The following ATP2B4 variants were observed in gnomAD, a reference collection of about 807,000 sequenced individuals.
ATP2B4 encodes the protein ATPase plasma membrane Ca2+ transporting 4.
Under a neutral mutation model 110.3 loss-of-function variants are expected in ATP2B4, and 39 were observed. The ratio of observed to expected loss-of-function variants is 0.35; its 90% CI spans 0.27 to 0.46. The LOEUF (loss-of-function observed/expected upper bound fraction) is 0.46, where lower values mean the gene tolerates loss of function less well. Ranked by LOEUF, ATP2B4 falls within the 20% of genes least tolerant of loss-of-function variation. The pLI, the probability that ATP2B4 is intolerant of heterozygous loss-of-function variation, is 1.00. For synonymous variants in ATP2B4, 538 were observed against 571.7 expected (o/e 0.94, Z 0.84); for missense variants, 1,135 against 1,530.9 (o/e 0.74, Z 4.32).
Position 203,708,004 on chromosome 1 carries a change from A to G in ATP2B4, c.1457A>G (p.His486Arg), listed in dbSNP as rs1215668369. 1 of 1,614,074 alleles carries G rather than the reference A, an allele frequency of 6.2e-7. No homozygotes were observed. The change falls in exon 10 of 21, where the codon CAT becomes CGT. Residue 486 changes from histidine (H) to arginine (R), a missense_variant. Transcript: ENST00000357681. ...TVVQAYIGGI[H>R]YRQIPSPDVF... ...GTACAAGCTTATATTGGGGGCATCC[A>G]TTACCGTCAAATCCCAAGCCCTGAT...
At chr1:203,696,925 G>T (rs374909264) in intron 2 of ATP2B4, among the ~76,000 whole-genome samples, 4 of 152,186 alleles carry the variant, frequency 2.6e-5, no homozygotes, top group Non-Finnish European at 5.9e-5. Flanking sequence ...GTGGCATGTG[G>T]TGTGTGTACA....
intron 1 of ATP2B4, among the ~76,000 whole-genome samples, chr1:203,638,138 G>A (rs1385330944): frequency 1.3e-5 from 2 of 152,124 alleles, no homozygotes; most frequent in Non-Finnish European, 2.9e-5. Context: ...GGGGAGATGG[G>A]GAGGAAGGGG....
chr1:203,666,118 A>G (rs780326669), intron 1 of ATP2B4, among the ~76,000 whole-genome samples: 4 of 152,246 alleles, frequency 2.6e-5, no homozygotes, highest in African/African-American at 9.6e-5. Context: ...GTGGTGCCAC[A>G]GTTGCTGCTT....
At position 203,672,610 on chromosome 1, in the gene ATP2B4, G is replaced by T. The variant is rs1035534589; in HGVS notation, c.-464-10132G>T. ...AGGTGTTATGGAGGCGGTGAGCCTG[G>T]TGCTTCTTCTGGAACCGTGGGGGAT... is the stretch of plus-strand genomic sequence containing the variant. On this transcript the variant is annotated intron_variant, in intron 1 of 20. Coordinates refer to ENST00000357681, the MANE Select transcript of ATP2B4 (RefSeq NM_001684.5). 3.9e-5 allele frequency among the ~76,000 whole-genome samples: 6 copies of T among 152,104 alleles called. No homozygotes were observed. The South Asian group carries it at 1.2e-3, about 32-fold the overall frequency.
chr1:203,691,486 C>T (rs893472325), intron 2 of ATP2B4, among the ~76,000 whole-genome samples: 1 of 152,072 alleles, frequency 6.6e-6, no homozygotes, highest in African/African-American at 2.4e-5. Flanking sequence ...AGACTTTTTT[C>T]CCTGGGCCAC....
At chr1:203,672,812 G>C (rs1194968074) in intron 1 of ATP2B4, among the ~76,000 whole-genome samples, 1 of 152,184 alleles carries the variant, frequency 6.6e-6, no homozygotes, top group African/African-American at 2.4e-5. Context: ...TGCTCCACTG[G>C]AACCTGAAAG....
intron 2 of ATP2B4, among the ~76,000 whole-genome samples, chr1:203,689,584 TCTA>T (rs1665303344): frequency 6.6e-6 from 1 of 152,244 alleles, no homozygotes; most frequent in Non-Finnish European, 1.5e-5. Context: ...TCTGTACCCT[TCTA>T]CTTCTTTTCT....
chr1:203,640,456 T>C (rs1663591949), intron 1 of ATP2B4, among the ~76,000 whole-genome samples: 1 of 152,132 alleles, frequency 6.6e-6, no homozygotes, highest in Non-Finnish European at 1.5e-5. Context: ...TAACTGGGAC[T>C]ACAAGTGCGT....
chr1:203,733,563 T>C, intron 20 of ATP2B4: 1 of 600,304 alleles, frequency 1.7e-6, no homozygotes, highest in Non-Finnish European at 2.7e-6. Context: ...AAAACCAGAC[T>C]GTGTGCCCTT....
intron 2 of ATP2B4, among the ~76,000 whole-genome samples, chr1:203,685,047 C>T (rs192628872): frequency 1.8e-3 from 276 of 152,202 alleles, no homozygotes; most frequent in African/African-American, 6.5e-3. Flanking sequence ...GATGGAGTTT[C>T]ACCATTTTGA....
In ATP2B4 at chr1:203,721,321, A is replaced by C; in HGVS notation, c.2723A>C (p.Asn908Thr). Residue 908 changes from asparagine to threonine, a missense_variant, in exon 17 of 21, where the codon AAT (asparagine) becomes ACT (threonine). Asn to Thr is a moderately conservative substitution (Grantham distance 65). Transcript: ENST00000357681. The stretch of plus-strand genomic sequence containing the variant: ...TTGAAGCGGCGCCCCTATGGCCGAA[A>C]TAAGCCTCTGATCTCACGCACTATG... ...SLLKRRPYGR[N>T]KPLISRTMMK... is the part of the protein sequence containing the mutation. 1 of 1,614,238 alleles carries C rather than the reference A, an allele frequency of 6.2e-7. No homozygotes were observed. The highest frequency in any genetic ancestry group is 2.2e-5 in the East Asian group (1 of 44,882).
intron 1 of ATP2B4, chr1:203,657,133 G>T: frequency 1.2e-6 from 1 of 834,198 alleles, no homozygotes; most frequent in Non-Finnish European, 2.1e-6. Flanking sequence ...TGTATACGGT[G>T]GGGATGAGGG....
chr1:203,723,097 A>G lies in ATP2B4; in HGVS notation c.3024+408A>G, dbSNP rs867419393. 7.2e-5 allele frequency among the ~76,000 whole-genome samples: 11 copies of G among 152,168 alleles called. No individual in the cohort carries two copies. The Middle Eastern group carries it at 0.01, about 141-fold the overall frequency. On this transcript the variant is annotated intron_variant, in intron 18 of 20. Transcript: ENST00000357681. Reference sequence around the variant, plus strand: ...TGCCCTTTGTTCTGAAGGGCTTATGATAAAAAGTGTTGTGCAACTCAAAGA... The same window carrying G: ...TGCCCTTTGTTCTGAAGGGCTTATGGTAAAAAGTGTTGTGCAACTCAAAGA...
At chr1:203,677,942 C>G (rs1300456000) in intron 1 of ATP2B4, among the ~76,000 whole-genome samples, 1 of 152,198 alleles carries the variant, frequency 6.6e-6, no homozygotes, top group Non-Finnish European at 1.5e-5. Flanking sequence ...CTCAGCCCAT[C>G]GGGGAAGGAC....
chr1:203,727,046 G>A (rs1480168940), intron 19 of ATP2B4, among the ~76,000 whole-genome samples: 1 of 152,178 alleles, frequency 6.6e-6, no homozygotes, highest in Non-Finnish European at 1.5e-5. Flanking sequence ...GTACCATGCT[G>A]TATAGTTCTG....
intron 1 of ATP2B4, among the ~76,000 whole-genome samples, chr1:203,640,264 C>T (rs1366010698): frequency 6.6e-6 from 1 of 152,180 alleles, no homozygotes; most frequent in Non-Finnish European, 1.5e-5. Flanking sequence ...TGTGTGTTCC[C>T]ACTCCTGCTC....
Position 203,629,674 on chromosome 1 carries a change from G to A in ATP2B4, c.-465+2455G>A, listed in dbSNP as rs530025299. Among the ~76,000 whole-genome samples the A allele has an allele frequency of 2.0e-5, 3 of 152,300 alleles. No homozygotes were observed. The East Asian group carries it at 5.8e-4, about 29-fold the overall frequency. On this transcript the variant is annotated intron_variant, in intron 1 of 20. Transcript: ENST00000357681. This position sits in a 1 kb window ranked among gnomAD's most constrained non-coding sequence, Gnocchi z 4.6. ...CCGCCGCTGGGCTCCACCCTCCCGGGCTCTGCTGTAGTCTGAGAACTCCGT... is the reference window on the plus strand; with the variant it reads ...CCGCCGCTGGGCTCCACCCTCCCGGACTCTGCTGTAGTCTGAGAACTCCGT...
chr1:203,677,045 C>A (rs974076220), intron 1 of ATP2B4, among the ~76,000 whole-genome samples: 13 of 152,108 alleles, frequency 8.5e-5, no homozygotes, highest in African/African-American at 2.9e-4. Context: ...TATCATTGTT[C>A]TTGCACTTGA....
chr1:203,683,666 C>CTTTTTTT (rs11326748), intron 2 of ATP2B4, among the ~76,000 whole-genome samples: 50 of 77,680 alleles, frequency 6.4e-4, no homozygotes, highest in Non-Finnish European at 9.0e-4. Context: ...TCTTTTGTTT[C>CTTTTTTT]TTTTTTTTTT....
Sources: gnomAD v4.1 joint callset for allele counts (sites outside exome capture counted in the v4.1 genomes callset) on GRCh38, gnomAD v4.1.1 for gene constraint, Gnocchi (gnomAD v3.1) non-coding constraint, MANE v1.5 for transcripts, NCBI Gene and HGNC (gene_info 2026-07-23, HGNC 2026-07-21) for gene names.